The following DMD variants were observed in gnomAD, a reference collection of about 807,000 sequenced individuals.
DMD encodes the protein dystrophin, also known as mutant dystrophin.
In DMD, 63 loss-of-function variants were observed where a neutral mutation model predicts 330.1. That is an observed-to-expected ratio of 0.19 (90% CI 0.16 to 0.24). The LOEUF is 0.24. DMD is among the 10% of genes least tolerant of loss of function. The pLI is 1.00. For synonymous variants in DMD, 1,223 were observed against 959.8 expected (o/e 1.27, Z -5.07); for missense variants, 3,344 against 2,684.1 (o/e 1.25, Z -5.43).
chrX:31,645,199 G>T (rs1037440382), intron 54 of DMD, among the ~76,000 whole-genome samples: 2 of 111,446 alleles, frequency 1.8e-5, no homozygotes, highest in African/African-American at 6.5e-5. Context: ...CTAAAATAGA[G>T]ACTTTATTAA....
chrX:32,476,855 G>A (rs1232934942), intron 21 of DMD, among the ~76,000 whole-genome samples: 5 of 111,146 alleles, frequency 4.5e-5, no homozygotes, highest in African/African-American at 1.3e-4. Context: ...CTCCATCTAC[G>A]GAAACTCACT....
intron 44 of DMD, among the ~76,000 whole-genome samples, chrX:32,205,620 T>C (rs751996141): frequency 3.6e-5 from 4 of 112,001 alleles, no homozygotes; most frequent in African/African-American, 1.3e-4. Flanking sequence ...GGATTATATG[T>C]GAATAGGTTA....
At chrX:32,890,386 G>T (rs1296628913) in intron 2 of DMD, among the ~76,000 whole-genome samples, 1 of 107,265 alleles carries the variant, frequency 9.3e-6, no homozygotes, top group Non-Finnish European at 1.9e-5. Context: ...AACTTTTCGC[G>T]GGGAAGGAAA....
In DMD at chrX:31,404,957, A is replaced by C. The variant is rs1433640729; in HGVS notation, c.9084+39524T>G. 1.4e-4 allele frequency among the ~76,000 whole-genome samples: 16 copies of C among 112,109 alleles called. No individual in the cohort carries two copies. In the Admixed American group the frequency reaches 1.5e-3, roughly 11 times the overall value. On this transcript the variant is annotated intron_variant, in intron 60 of 78. Coordinates refer to ENST00000357033, the MANE Select transcript of DMD (RefSeq NM_004006.3). ...AGAGCAGGATCCTTGGCAAAATACCAATGAAATACAGTTTTCAATAGTAAG... is the reference window on the plus strand; with the variant it reads ...AGAGCAGGATCCTTGGCAAAATACCCATGAAATACAGTTTTCAATAGTAAG...
intron 45 of DMD, among the ~76,000 whole-genome samples, chrX:31,936,265 C>T (rs907086856): frequency 9.9e-5 from 11 of 111,216 alleles, no homozygotes; most frequent in Non-Finnish European, 2.1e-4. Flanking sequence ...GAAAAGTTAA[C>T]AATGGGAATC....
intron 55 of DMD, among the ~76,000 whole-genome samples, chrX:31,531,678 T>G (rs1399160408): frequency 9.2e-6 from 1 of 108,494 alleles, no homozygotes; most frequent in South Asian, 4.1e-4. Context: ...CTCTTGAGTT[T>G]AATTAGATCC....
chrX:31,803,321 C>T (rs1336765627), intron 50 of DMD, among the ~76,000 whole-genome samples: 1 of 112,387 alleles, frequency 8.9e-6, no homozygotes, highest in Non-Finnish European at 1.9e-5. Context: ...AGGAAAATGG[C>T]GTGTGACTCC....
intron 1 of DMD, among the ~76,000 whole-genome samples, chrX:33,031,302 C>CAAAA (rs34526249): frequency 1.4e-4 from 9 of 63,235 alleles, no homozygotes; most frequent in African/African-American, 4.2e-4. Context: ...TTAAAAAGGA[C>CAAAA]AAAAAAAAAA....
upstream of DMD, among the ~76,000 whole-genome samples, chrX:33,212,617 T>C (rs1056104074): frequency 4.0e-4 from 45 of 111,918 alleles, no homozygotes; most frequent in African/African-American, 1.3e-3. Flanking sequence ...CAATGAGTAA[T>C]AGATAAAAAT....
intron 51 of DMD, among the ~76,000 whole-genome samples, chrX:31,760,288 T>C (rs2089470657): frequency 8.9e-6 from 1 of 112,158 alleles, no homozygotes; most frequent in Non-Finnish European, 1.9e-5. Context: ...AACCACTTTA[T>C]TGACATAAAA....
chrX:32,790,708 G>A (rs755660713), intron 7 of DMD, among the ~76,000 whole-genome samples: 15 of 111,816 alleles, frequency 1.3e-4, no homozygotes, highest in African/African-American at 4.9e-4. Flanking sequence ...GCACACTGAA[G>A]ACTAATTCCA....
chrX:32,469,156 G>A (rs1028279652), intron 22 of DMD, among the ~76,000 whole-genome samples: 2 of 110,083 alleles, frequency 1.8e-5, no homozygotes, highest in Non-Finnish European at 3.8e-5. Context: ...AACAATCTAT[G>A]TACTTAATAT....
At chrX:32,275,477 T>G (rs1175961442) in intron 43 of DMD, among the ~76,000 whole-genome samples, 2 of 111,347 alleles carry the variant, frequency 1.8e-5, no homozygotes, top group Admixed American at 1.9e-4. Context: ...ATAAAATAAA[T>G]CAGACCAAAG....
chrX:32,279,036 C>T (rs1197045239), intron 43 of DMD, among the ~76,000 whole-genome samples: 1 of 111,839 alleles, frequency 8.9e-6, no homozygotes, highest in Non-Finnish European at 1.9e-5. Context: ...AGAAGACATA[C>T]AAATGGCAAA....
intron 7 of DMD, among the ~76,000 whole-genome samples, chrX:32,720,824 A>T (rs983337390): frequency 7.2e-5 from 8 of 111,217 alleles, no homozygotes; most frequent in Non-Finnish European, 1.3e-4. Flanking sequence ...GAAACTCTAA[A>T]TTTATTTATC....
At chrX:33,076,923 A>C (rs1169756724) in intron 1 of DMD, among the ~76,000 whole-genome samples, 1 of 111,335 alleles carries the variant, frequency 9.0e-6, no homozygotes, top group Non-Finnish European at 1.9e-5. Flanking sequence ...TTTAAGGATA[A>C]CTTGGTGGGT....
chrX:31,830,697 G>A (rs191055129), intron 49 of DMD, among the ~76,000 whole-genome samples: 1,148 of 111,924 alleles, frequency 0.01, 4 homozygotes, highest in Non-Finnish European at 0.016. Context: ...AAATTTCAGC[G>A]ACAGCATTGA....
At position 32,201,469 on chromosome X, in the gene DMD, ACCC is replaced by A. The variant is rs746153568; in HGVS notation, c.6438+15444_6438+15446del. On this transcript the variant is annotated intron_variant, in intron 44 of 78. Transcript: ENST00000357033. The stretch of plus-strand genomic sequence containing the variant: ...AGACTATTTATATGCAAATTCAAAC[ACCC>A]CCCCCCCCCCCAACAAGGAGGCCAT... Among the ~76,000 whole-genome samples the A allele has an allele frequency of 7.6e-4, 37 of 48,436 alleles. 3 individuals are homozygous for A. Among genetic ancestry groups the A allele is most frequent in the East Asian group, 4.7e-3 (8 of 1,707 alleles). 42.1% of individuals were successfully genotyped at this position (48,436 alleles called of 115,157 possible).
chrX:32,464,512 T>C (rs914229592), intron 24 of DMD, 74 bp downstream of exon 24: 4 of 805,521 alleles, frequency 5.0e-6, no homozygotes, highest in Non-Finnish European at 7.5e-6. Context: ...CCACCCCAGC[T>C]GTAAAACACT....
Sources: gnomAD v4.1 joint callset for allele counts (sites outside exome capture counted in the v4.1 genomes callset) on GRCh38, gnomAD v4.1.1 for gene constraint, MANE v1.5 for transcripts, NCBI Gene and HGNC (gene_info 2026-07-23, HGNC 2026-07-21) for gene names.